The following COL4A2 variants were observed in gnomAD, a reference collection of about 807,000 sequenced individuals.
The protein encoded by COL4A2 is collagen type IV alpha 2 chain, also known as collagen alpha-2(IV) chain.
COL4A2 carries 99 observed loss-of-function variants against 200.2 expected under a neutral mutation model. The observed-to-expected ratio is 0.49, with a 90% CI of 0.42 to 0.58. COL4A2 has a LOEUF of 0.58. Among genes scored for constraint, COL4A2 ranks in the 20% least tolerant of loss-of-function variants. The probability of loss-of-function intolerance (pLI) is 0.00; values close to 1 mark genes in which losing one functional copy is unlikely to be tolerated. For synonymous variants in COL4A2, 897 were observed against 900.6 expected (o/e 1.00, Z 0.07); for missense variants, 1,950 against 2,314.1 (o/e 0.84, Z 3.23).
At chr13:110,472,315 C>T (rs1033620666) in intron 28 of COL4A2, among the ~76,000 whole-genome samples, 1 of 152,022 alleles carries the variant, frequency 6.6e-6, no homozygotes, top group Non-Finnish European at 1.5e-5. Context: ...CGAGGTTTCA[C>T]CGTGTTAGCC....
Position 110,458,676 on chromosome 13 carries a change from T to C in COL4A2, c.1433-95T>C, listed in dbSNP as rs9521781. The C allele has an allele frequency of 0.57, 844,656 of 1,474,248 alleles. 248,899 individuals are homozygous for C. Among genetic ancestry groups the C allele is most frequent in the Middle Eastern group, 0.68 (3,775 of 5,550 alleles). 91.3% of individuals were successfully genotyped at this position (1,474,248 alleles called of 1,614,324 possible). On this transcript the variant is annotated intron_variant, in intron 21 of 47. Transcript: ENST00000360467. ...CAGGCAGTGTCCATAAAGCACCAAG[T>C]GTGCCACCCAGCTCTCCCCGCTGCC...
At chr13:110,394,682 GT>G (rs1566510105) in intron 4 of COL4A2, among the ~76,000 whole-genome samples, 1 of 152,194 alleles carries the variant, frequency 6.6e-6, no homozygotes, top group South Asian at 2.1e-4. Context: ...AGTCAGTCTT[GT>G]TTCCCACACT....
chr13:110,369,731 C>CT (rs773653579), intron 4 of COL4A2, among the ~76,000 whole-genome samples: 20 of 152,208 alleles, frequency 1.3e-4, no homozygotes, highest in Non-Finnish European at 2.5e-4. Flanking sequence ...TACAAATACG[C>CT]ACTAACTCAG....
rs147411866 is a variant in COL4A2 at position 110,381,108 on chromosome 13, G to A, written c.180+23556G>A. On this transcript the variant is annotated intron_variant, in intron 4 of 47. Coordinates refer to ENST00000360467, the MANE Select transcript of COL4A2 (RefSeq NM_001846.4). ...CATGGGTCTCTATCTCACACCCACG[G>A]GCTCTATGTCACAACCAGAGGCTCT... 5.1e-4 allele frequency among the ~76,000 whole-genome samples: 73 copies of A among 143,612 alleles called. 1 individual carries two copies. In the South Asian group the frequency reaches 5.7e-3, roughly 11 times the overall value. 94.2% of individuals were successfully genotyped at this position (143,612 alleles called of 152,430 possible).
chr13:110,504,287 C>T, intron 45 of COL4A2, 23 bp downstream of exon 45: 1 of 1,564,268 alleles, frequency 6.4e-7, no homozygotes, highest in Non-Finnish European at 8.8e-7. Context: ...GGGGAAGGAC[C>T]TTCCCAGGTC....
intron 3 of COL4A2, 50 bp from the exon 4 acceptor site, chr13:110,357,422 G>C (rs1388021680): frequency 1.3e-6 from 2 of 1,552,194 alleles, no homozygotes; most frequent in Non-Finnish European, 1.7e-6. Flanking sequence ...ACATGTTGTA[G>C]TTGGCAATGT....
In COL4A2 at chr13:110,428,753, T is replaced by C. The variant is rs542221032; in HGVS notation, c.477+170T>C. On this transcript the variant is annotated intron_variant, in intron 7 of 47. Transcript: ENST00000360467. Reference sequence around the variant, plus strand: ...ATTCAAGTAACTTCATTTTTCGTATTCTTTAAATGTTAGATAGAAAATCAT... The same window carrying C: ...ATTCAAGTAACTTCATTTTTCGTATCCTTTAAATGTTAGATAGAAAATCAT... 2.0e-5 allele frequency among the ~76,000 whole-genome samples: 3 copies of C among 152,382 alleles called. No individual in the cohort carries two copies. In the South Asian group the frequency reaches 6.2e-4, roughly 32 times the overall value.
chr13:110,485,833 C>T lies in COL4A2; in HGVS notation c.3204C>T (p.Ser1068=), dbSNP rs1234568251. Residue 1068 remains serine (S), a synonymous_variant, in exon 34 of 48, where the codon AGC becomes AGT. Coordinates refer to ENST00000360467, the MANE Select transcript of COL4A2 (RefSeq NM_001846.4). ...CGGGATTCCCAGGATTCATAGGAAG[C>T]CGGGTGAGTGGGCGTCTTTTACTCC... ...GITGFPGFIG[S]RGDKGAPGRA... 1 of 1,613,178 alleles carries T rather than the reference C, an allele frequency of 6.2e-7. No individual in the cohort carries two copies. The highest frequency in any genetic ancestry group is 8.5e-7 in the Non-Finnish European group (1 of 1,179,782).
rs750808602 is a variant in COL4A2, at chr13:110,491,276, C to G, written c.3390C>G (p.Ile1130Met). 1.2e-6 allele frequency: 2 copies of G among 1,601,158 alleles called. No homozygotes were observed. The highest frequency in any genetic ancestry group is 1.7e-6 in the Non-Finnish European group (2 of 1,173,184). Residue 1130 changes from isoleucine (I) to methionine (M), a missense_variant, in exon 37 of 48, where the codon ATC (isoleucine) becomes ATG (methionine). Ile to Met is a conservative substitution (Grantham distance 10). Coordinates refer to ENST00000360467, the MANE Select transcript of COL4A2 (RefSeq NM_001846.4). The part of the protein sequence containing the change: ...FFGEKGTEGD[I>M]GFPGITGVTG... Reference sequence around the variant, plus strand: ...GAGAGAAGGGAACAGAAGGTGACATCGGCTTCCCTGGGATAACAGGCGTGA... The same window carrying G: ...GAGAGAAGGGAACAGAAGGTGACATGGGCTTCCCTGGGATAACAGGCGTGA...
chr13:110,316,629 A>G (rs1287343867), intron 3 of COL4A2, among the ~76,000 whole-genome samples: 2 of 152,128 alleles, frequency 1.3e-5, no homozygotes, highest in African/African-American at 4.8e-5. Flanking sequence ...CAGCTAAAAC[A>G]CCCTGCGAAG....
chr13:110,510,196 T>G (rs1328069803), intron 47 of COL4A2, among the ~76,000 whole-genome samples: 2 of 152,232 alleles, frequency 1.3e-5, no homozygotes, highest in Non-Finnish European at 2.9e-5. Flanking sequence ...TGGCTCACCC[T>G]TCTTTTGTCC....
At chr13:110,431,405 T>C (rs899478102) in intron 10 of COL4A2, among the ~76,000 whole-genome samples, 1 of 151,996 alleles carries the variant, frequency 6.6e-6, no homozygotes, top group African/African-American at 2.4e-5. Flanking sequence ...AGTTGGGGGG[T>C]ACTCATAATT....
At position 110,398,926 on chromosome 13, in the gene COL4A2, T is replaced by C. The variant is rs540790266; in HGVS notation, c.181-25808T>C. Among the ~76,000 whole-genome samples the C allele has an allele frequency of 7.9e-5, 12 of 152,230 alleles. 1 individual carries two copies. Among genetic ancestry groups the C allele is most frequent in the African/African-American group, 2.9e-4 (12 of 41,542 alleles). On this transcript the variant is annotated intron_variant, in intron 4 of 47. Transcript: ENST00000360467. ...TTAGCCTTACTTATATATAACTGTA[T>C]CTTTTTTGGCTCACTTAGACCATTT...
intron 37 of COL4A2, among the ~76,000 whole-genome samples, chr13:110,491,580 G>A (rs888193988): frequency 1.3e-5 from 2 of 152,188 alleles, no homozygotes; most frequent in Admixed American, 6.5e-5. Flanking sequence ...GTGCCTCTTC[G>A]GTTGAGCCTC....
At position 110,429,839 on chromosome 13, in the gene COL4A2, G is replaced by A. The variant is rs776155180; in HGVS notation, c.478-46G>A. The A allele has an allele frequency of 1.7e-5, 27 of 1,577,916 alleles. 1 individual carries two copies. The highest frequency in any genetic ancestry group is 1.7e-4 in the Middle Eastern group (1 of 5,952). Reference sequence around the variant, plus strand: ...ACCATAGCTGCACCGAATGTTAATGGACTCTTTTTGTTGTTTTTTCTTTTT... The same window carrying A: ...ACCATAGCTGCACCGAATGTTAATGAACTCTTTTTGTTGTTTTTTCTTTTT... On this transcript the variant is annotated intron_variant, in intron 7 of 47. Transcript: ENST00000360467.
intron 34 of COL4A2, among the ~76,000 whole-genome samples, 163 bp from the exon 35 acceptor site, chr13:110,489,282 G>A (rs576134791): frequency 2.8e-4 from 42 of 152,190 alleles, no homozygotes; most frequent in African/African-American, 7.7e-4. Flanking sequence ...TAAGCAAACC[G>A]CCTATGATAC....
At chr13:110,421,950 G>T (rs1017820155) in intron 4 of COL4A2, among the ~76,000 whole-genome samples, 2 of 152,210 alleles carry the variant, frequency 1.3e-5, no homozygotes, top group African/African-American at 4.8e-5. Flanking sequence ...TCAATAAGAC[G>T]TGCATATTTC....
chr13:110,471,986 G>A (rs2139511399), intron 28 of COL4A2, among the ~76,000 whole-genome samples: 1 of 152,202 alleles, frequency 6.6e-6, no homozygotes, highest in East Asian at 1.9e-4. Flanking sequence ...CTGAGGCCAT[G>A]TCAGGGCTGA....
At chr13:110,398,416 T>G (rs1399668116) in intron 4 of COL4A2, among the ~76,000 whole-genome samples, 1 of 152,188 alleles carries the variant, frequency 6.6e-6, no homozygotes, top group African/African-American at 2.4e-5. Context: ...TCCAACACTT[T>G]GGGAGGCCAA....
Sources: allele counts gnomAD v4.1 joint callset (sites outside exome capture counted in the v4.1 genomes callset), GRCh38; gene constraint gnomAD v4.1.1; transcripts MANE v1.5; gene names NCBI Gene and HGNC (gene_info 2026-07-23, HGNC 2026-07-21).